The following CPQ variants were observed in gnomAD, a reference collection of about 807,000 sequenced individuals.
CPQ encodes the protein Ser-Met dipeptidase.
CPQ carries 37 observed loss-of-function variants against 45.7 expected under a neutral mutation model. The observed-to-expected ratio is 0.81, with a 90% CI of 0.62 to 1.07. The LOEUF (loss-of-function observed/expected upper bound fraction) is 1.07, where lower values mean the gene tolerates loss of function less well. Among genes scored for constraint, CPQ ranks in the 50% least tolerant of loss-of-function variants. The pLI is 0.00. For synonymous variants in CPQ, 186 were observed against 205.8 expected, an observed-to-expected ratio of 0.90 and a Z score of 0.82; for missense variants, 537 against 572.9, an observed-to-expected ratio of 0.94 and a Z score of 0.64.
At chr8:96,955,178 C>G (rs1813336704) in intron 4 of CPQ, among the ~76,000 whole-genome samples, 1 of 152,164 alleles carries the variant, frequency 6.6e-6, no homozygotes, top group Non-Finnish European at 1.5e-5. Context: ...GCCACACTGT[C>G]TTCCACAATG....
chr8:97,025,859 A>G (rs143259910), intron 5 of CPQ, among the ~76,000 whole-genome samples: 28 of 152,310 alleles, frequency 1.8e-4, no homozygotes, highest in African/African-American at 6.7e-4. Flanking sequence ...TCCTTACATC[A>G]ATTGTCTTCA....
intron 2 of CPQ, among the ~76,000 whole-genome samples, chr8:96,789,282 C>T (rs1188847737): frequency 6.6e-6 from 1 of 152,074 alleles, no homozygotes; most frequent in Non-Finnish European, 1.5e-5. Flanking sequence ...TATGGCAACT[C>T]TGGATGCTGA....
At chr8:96,650,030 A>G (rs1467661377) in intron 1 of CPQ, among the ~76,000 whole-genome samples, 1 of 152,248 alleles carries the variant, frequency 6.6e-6, no homozygotes, top group Non-Finnish European at 1.5e-5. Context: ...AGACACAGGT[A>G]TAGGCAGATA....
chr8:97,000,805 A>G (rs1809266163), intron 5 of CPQ, among the ~76,000 whole-genome samples: 2 of 152,202 alleles, frequency 1.3e-5, no homozygotes, highest in Admixed American at 1.3e-4. Context: ...TAGGCATAGC[A>G]TTGAATCTAT....
At chr8:96,825,455 C>T (rs543891065) in intron 2 of CPQ, among the ~76,000 whole-genome samples, 4 of 151,978 alleles carry the variant, frequency 2.6e-5, no homozygotes, top group Middle Eastern at 3.2e-3. Context: ...ATTTGAGCTT[C>T]GTTGTGCCTC....
intron 6 of CPQ, among the ~76,000 whole-genome samples, chr8:97,059,899 A>G (rs1343126889): frequency 6.6e-6 from 1 of 152,196 alleles, no homozygotes; most frequent in Non-Finnish European, 1.5e-5. Context: ...TCTTTGAAGA[A>G]TAAATTGAGG....
rs182324563 is a variant in CPQ, at chr8:96,961,399, G to A, written c.850-4536G>A. On this transcript the variant is annotated intron_variant, in intron 4 of 7. Coordinates refer to ENST00000220763, the MANE Select transcript of CPQ (RefSeq NM_016134.4). ...TGCCTATTTGCTTTTTGGGTTGCTT[G>A]GCTTTTTTATTGATTTGTAAGAATT... is the stretch of plus-strand genomic sequence containing the variant. 1.8e-3 allele frequency among the ~76,000 whole-genome samples: 266 copies of A among 151,980 alleles called. 1 individual carries two copies. Among genetic ancestry groups the A allele is most frequent in the Non-Finnish European group, 3.1e-3 (210 of 67,966 alleles).
chr8:96,700,368 T>G (rs1167947732), intron 1 of CPQ, among the ~76,000 whole-genome samples: 1 of 152,044 alleles, frequency 6.6e-6, no homozygotes, highest in East Asian at 1.9e-4. Flanking sequence ...GTCTAGCAGG[T>G]AGAATGCAAG....
intron 4 of CPQ, among the ~76,000 whole-genome samples, chr8:96,920,111 A>G (rs1586451895): frequency 6.6e-6 from 1 of 152,182 alleles, no homozygotes; most frequent in Non-Finnish European, 1.5e-5. Context: ...TTCATTTGTT[A>G]TATATATCAT....
At chr8:96,979,969 A>C (rs1252504867) in intron 5 of CPQ, among the ~76,000 whole-genome samples, 1 of 152,124 alleles carries the variant, frequency 6.6e-6, no homozygotes, top group African/African-American at 2.4e-5. Context: ...TTCAACCTTT[A>C]AGTCCTCCTT....
intron 1 of CPQ, among the ~76,000 whole-genome samples, chr8:96,684,766 A>G (rs1190409100): frequency 2.0e-5 from 3 of 152,050 alleles, no homozygotes; most frequent in African/African-American, 7.2e-5. Context: ...TAGTGTGGGG[A>G]GGTACGAGCA....
chr8:97,066,888 A>G (rs1479798804), intron 7 of CPQ, among the ~76,000 whole-genome samples: 2 of 150,708 alleles, frequency 1.3e-5, no homozygotes, highest in Non-Finnish European at 3.0e-5. Context: ...TTACTTACAG[A>G]AATACAAGCT....
At chr8:97,116,258 A>T (rs1394919361) in intron 7 of CPQ, among the ~76,000 whole-genome samples, 1 of 152,188 alleles carries the variant, frequency 6.6e-6, no homozygotes, top group Non-Finnish European at 1.5e-5. Flanking sequence ...ATGAAGTTAG[A>T]TGTCTGAATT....
At chr8:97,026,211 A>G (rs928760771) in intron 5 of CPQ, among the ~76,000 whole-genome samples, 1 of 152,234 alleles carries the variant, frequency 6.6e-6, no homozygotes, top group African/African-American at 2.4e-5. Flanking sequence ...TGGAGAGAGA[A>G]GCTAATAAAC....
chr8:97,091,696 A>T (rs1315140708), intron 7 of CPQ, among the ~76,000 whole-genome samples: 2 of 152,234 alleles, frequency 1.3e-5, no homozygotes, highest in East Asian at 3.8e-4. Context: ...TTAGGAACTT[A>T]TACATTGGGA....
chr8:96,846,308 G>C (rs911351112), intron 3 of CPQ, among the ~76,000 whole-genome samples: 2 of 152,036 alleles, frequency 1.3e-5, no homozygotes, highest in African/African-American at 4.8e-5. Flanking sequence ...TCTACTCCAG[G>C]CTTTTGCCCA....
At chr8:96,763,444 T>A (rs568526059) in intron 1 of CPQ, among the ~76,000 whole-genome samples, 8 of 152,328 alleles carry the variant, frequency 5.3e-5, no homozygotes, top group Non-Finnish European at 1.0e-4. Flanking sequence ...TCCACTGAAC[T>A]ATTTGTCTAT....
At chr8:96,860,629 A>G (rs1046374036) in intron 3 of CPQ, among the ~76,000 whole-genome samples, 2 of 152,110 alleles carry the variant, frequency 1.3e-5, no homozygotes, top group African/African-American at 2.4e-5. Context: ...GTGCAAATGT[A>G]TTCAGCCAAC....
At chr8:96,741,911 G>T (rs537351623) in intron 1 of CPQ, among the ~76,000 whole-genome samples, 104 of 143,734 alleles carry the variant, frequency 7.2e-4, no homozygotes, top group Non-Finnish European at 8.6e-4. Flanking sequence ...GGTCAATTTT[G>T]GAATAGGTGT....
Sources: gnomAD v4.1 joint callset for allele counts (sites outside exome capture counted in the v4.1 genomes callset) on GRCh38, gnomAD v4.1.1 for gene constraint, MANE v1.5 for transcripts, NCBI Gene and HGNC (gene_info 2026-07-23, HGNC 2026-07-21) for gene names.